NKPD1: variants seen among roughly 807,000 people sequenced by gnomAD.
NKPD1 encodes NTPase KAP family P-loop domain-containing protein 1.
Under a neutral mutation model 42.2 loss-of-function variants are expected in NKPD1, and 37 were observed. That is an observed-to-expected ratio of 0.88 (90% CI 0.67 to 1.15). The LOEUF (loss-of-function observed/expected upper bound fraction) is 1.15. NKPD1 is among the 50% of genes most tolerant of loss of function. The pLI, the probability that NKPD1 is intolerant of heterozygous loss-of-function variation, is 0.00. For missense variants in NKPD1, 1,113 were observed against 1,174.6 expected (o/e 0.95, Z 0.77); for synonymous variants, 552 against 536.5 (o/e 1.03, Z -0.40).
rs1055711859 is a variant in NKPD1 at position 45,158,905 on chromosome 19, A to G, written c.287T>C (p.Leu96Pro). ...PQSQPSPPSP[L>P]RQRLCPIHEA... ...GTGAATGGGGCAGAGCCGCTGCCGCAGGGGGCTGGGAGGTGAGGGCTGGGA... is the reference window on the plus strand; with the variant it reads ...GTGAATGGGGCAGAGCCGCTGCCGCGGGGGGCTGGGAGGTGAGGGCTGGGA... The change falls in exon 3 of 5, where the codon CTG becomes CCG. Residue 96 changes from leucine to proline, a missense_variant. Physicochemically the swap from Leu to Pro is moderately conservative, Grantham distance 98. This residue lies in a region of NKPD1 where 204 missense variants were observed against 227.8 expected (regional missense o/e 0.90). Transcript: ENST00000686631. The surrounding 1 kb of genome is among the most constrained non-coding windows in gnomAD (Gnocchi z 4.6). 6.2e-6 allele frequency: 8 copies of G among 1,293,228 alleles called. 1 individual carries two copies. In the Admixed American group the frequency reaches 1.7e-4, roughly 27 times the overall value. The allele number at this position is 1,293,228 out of a possible 1,614,324, so 80.1% of individuals were successfully genotyped here. A position where few individuals can be genotyped will look rare whatever the true frequency, so the allele number is the denominator to read the frequency against.
intron 4 of NKPD1, among the ~76,000 whole-genome samples, chr19:45,155,178 C>T (rs539408110): frequency 2.6e-5 from 4 of 151,762 alleles, no homozygotes; most frequent in African/African-American, 4.8e-5. Context: ...ATTAGCTGGG[C>T]GTGGTGGTGA....
In NKPD1 at chr19:45,153,044, A is replaced by G. The variant is rs373671656; in HGVS notation, c.1393T>C (p.Tyr465His). 59 of 1,585,770 alleles carry G rather than the reference A, an allele frequency of 3.7e-5. No homozygotes were observed. Among genetic ancestry groups the G allele is most frequent in the Non-Finnish European group, 4.6e-5 (54 of 1,166,466 alleles). ...VLEVTGLDTC[Y>H]PERVVGVLNA... ...AGCACGCCCACCACGCGCTCCGGGT[A>G]GCACGTGTCCAGCCCGGTGACCTCC... The change falls in exon 5 of 5, where the codon TAC becomes CAC. Residue 465 changes from tyrosine to histidine, a missense_variant. Physicochemically the swap from Tyr to His is moderately conservative, Grantham distance 83 (BLOSUM62 2). Around this residue, in one of 3 missense-constraint regions of NKPD1, gnomAD observed 867 missense variants for 870.1 expected, o/e 1.00. Transcript: ENST00000686631.
rs766671329 is a variant in NKPD1 at position 45,153,389 on chromosome 19, CCGCCAGCAG to C, written c.1039_1047del (p.Leu347_Ala349del). 16 of 1,559,498 alleles carry C rather than the reference CCGCCAGCAG, an allele frequency of 1.0e-5. No homozygotes were observed. Among genetic ancestry groups the C allele is most frequent in the Non-Finnish European group, 1.4e-5 (16 of 1,156,116 alleles). ...AGCAGCCCCACACCCAGGCCCAGCGCCGCCAGCAGCGCCAGCAGCCCCAGGCACACGCGG... is the reference window on the plus strand; with the variant it reads ...AGCAGCCCCACACCCAGGCCCAGCGCCGCCAGCAGCCCCAGGCACACGCGG... On this transcript the variant is annotated inframe_deletion, in exon 5 of 5. Coordinates refer to ENST00000686631, the MANE Select transcript of NKPD1 (RefSeq NM_198478.4).
Position 45,153,407 on chromosome 19 carries a change from G to A in NKPD1, c.1030C>T (p.Leu344=), listed in dbSNP as rs1968836321. 1.3e-6 allele frequency: 2 copies of A among 1,554,276 alleles called. No homozygotes were observed. The highest frequency in any genetic ancestry group is 1.7e-6 in the Non-Finnish European group (2 of 1,153,664). ...CCCAGCGCCGCCAGCAGCGCCAGCA[G>A]CCCCAGGCACACGCGGCGCCGACAA... is the stretch of plus-strand genomic sequence containing the variant. ...WHCRRRVCLG[L]LALLAALGLG... The change falls in exon 5 of 5, where the codon CTG becomes TTG. Residue 344 remains leucine, a synonymous_variant. Transcript: ENST00000686631.
In NKPD1 at chr19:45,157,126, C is replaced by T. The variant is rs183230701; in HGVS notation, c.530-1210G>A. Among the ~76,000 whole-genome samples the T allele has an allele frequency of 2.2e-4, 33 of 152,350 alleles. No homozygotes were observed. The East Asian group carries it at 5.2e-3, about 24-fold the overall frequency. ...ACCCCGGCAAGGCTGCCGCACCTCTCGCCTGGATTTTTGCAATCTCCTGCT... is the reference window on the plus strand; with the variant it reads ...ACCCCGGCAAGGCTGCCGCACCTCTTGCCTGGATTTTTGCAATCTCCTGCT... On this transcript the variant is annotated intron_variant, in intron 3 of 4. Coordinates refer to ENST00000686631, the MANE Select transcript of NKPD1 (RefSeq NM_198478.4).
intron 3 of NKPD1, among the ~76,000 whole-genome samples, chr19:45,156,902 G>C (rs570653954): frequency 4.6e-5 from 7 of 152,316 alleles, no homozygotes; most frequent in African/African-American, 1.7e-4. Context: ...TTCTACTGAG[G>C]TGTGGGTAGG....
chr19:45,157,719 C>CTT (rs34991759), intron 3 of NKPD1, among the ~76,000 whole-genome samples: 2,121 of 83,254 alleles, frequency 0.025, 216 homozygotes, highest in African/African-American at 0.084. Context: ...CCCAGACATA[C>CTT]TTTTTTTTTT....
rs530949093 is a variant in NKPD1, at chr19:45,155,664, G to C, written c.661+121C>G. The C allele has an allele frequency of 1.0e-5, 10 of 989,736 alleles. No individual in the cohort carries two copies. The African/African-American group carries it at 1.7e-4, about 17-fold the overall frequency. The allele number at this position is 989,736 out of a possible 1,614,324, so 61.3% of individuals were successfully genotyped here. ...CGGGGTAGAGGCATGGGCTTGGGGA[G>C]GGCCTGGGCTGGGGCAGGCTGGCCA... On this transcript the variant is annotated intron_variant, in intron 4 of 4. Transcript: ENST00000686631.
chr19:45,159,505 C>T (rs1428170760), intron 2 of NKPD1, among the ~76,000 whole-genome samples: 3 of 151,724 alleles, frequency 2.0e-5, no homozygotes, highest in Admixed American at 6.6e-5. Context: ...TGGGTGGTGG[C>T]GTGGAGAGGG....
chr19:45,152,463 C>T lies in NKPD1; in HGVS notation c.1974G>A (p.Val658=), dbSNP rs372202190. The T allele has an allele frequency of 1.3e-6, 2 of 1,554,714 alleles. No homozygotes were observed. Among genetic ancestry groups the T allele is most frequent in the Non-Finnish European group, 1.7e-6 (2 of 1,156,290 alleles). ...GGCGGCACGGCCACTGGTTGGCGAG[C>T]ACCACCCACGCCACCGCCTGGCGCG... is the stretch of plus-strand genomic sequence containing the variant. ...PTPRQAVAWV[V]LANQWPCRLS... The change falls in exon 5 of 5, where the codon GTG becomes GTA. Residue 658 remains valine, a synonymous_variant. Coordinates refer to ENST00000686631, the MANE Select transcript of NKPD1 (RefSeq NM_198478.4).
At position 45,151,924 on chromosome 19, in the gene NKPD1, G is replaced by A. The variant is rs369832157; in HGVS notation, c.*14C>T. The A allele has an allele frequency of 1.6e-5, 24 of 1,529,896 alleles. No individual in the cohort carries two copies. Among genetic ancestry groups the A allele is most frequent in the African/African-American group, 4.2e-5 (3 of 71,348 alleles). 94.8% of individuals were successfully genotyped at this position (1,529,896 alleles called of 1,614,324 possible). On this transcript the variant is annotated 3_prime_UTR_variant, in exon 5 of 5. Coordinates refer to ENST00000686631, the MANE Select transcript of NKPD1 (RefSeq NM_198478.4). The stretch of plus-strand genomic sequence containing the variant: ...GAGGAACCCTTGCCTCCTGCTGCCC[G>A]CCAAGTCCTCCATTTAAGGCCCACC...
intron 3 of NKPD1, among the ~76,000 whole-genome samples, chr19:45,157,718 AC>A (rs1568458573): frequency 2.8e-5 from 2 of 72,054 alleles, no homozygotes; most frequent in Non-Finnish European, 5.4e-5. Flanking sequence ...GCCCAGACAT[AC>A]TTTTTTTTTT....
chr19:45,151,174 CAG>C lies in NKPD1; in HGVS notation c.*762_*763del, dbSNP rs1457147312. ...CTCTGCCCAACTTCCCTGTCCTCATCAGGGGGCTGATGCAGTGGCTTCAGTGT... is the reference window on the plus strand; with the variant it reads ...CTCTGCCCAACTTCCCTGTCCTCATCGGGGCTGATGCAGTGGCTTCAGTGT... On this transcript the variant is annotated 3_prime_UTR_variant, in exon 5 of 5. Transcript: ENST00000686631. The C allele has an allele frequency of 2.0e-5, 3 of 152,692 alleles. No individual in the cohort carries two copies. In the East Asian group the frequency reaches 5.8e-4, roughly 29 times the overall value. The allele number at this position is 152,692 out of a possible 1,614,324, so 9.5% of individuals were successfully genotyped here. A position where few individuals can be genotyped will look rare whatever the true frequency, so the allele number is the denominator to read the frequency against.
chr19:45,155,661 G>T, intron 4 of NKPD1, 124 bp downstream of exon 4: 1 of 970,212 alleles, frequency 1.0e-6, no homozygotes, highest in Non-Finnish European at 1.4e-6. Flanking sequence ...ATGGGCTTGG[G>T]GAGGGCCTGG....
chr19:45,159,102 T>C lies in NKPD1; in HGVS notation c.92-2A>G. ...CCTGGCGCCACTGATGACAGCATCC[T>C]GGAAGGAAGGAAGTGGGGGTGACTG... is the stretch of plus-strand genomic sequence containing the variant. On this transcript the variant is annotated splice_acceptor_variant, in intron 2 of 4. Transcript: ENST00000686631. LOFTEE classifies it high-confidence loss of function. The C allele has an allele frequency of 7.8e-7, 1 of 1,277,174 alleles. No individual in the cohort carries two copies. The highest frequency in any genetic ancestry group is 1.0e-6 in the Non-Finnish European group (1 of 982,008). The allele number at this position is 1,277,174 out of a possible 1,614,324, so 79.1% of individuals were successfully genotyped here.
In NKPD1 at chr19:45,153,440, C is replaced by T; in HGVS notation, c.997G>A (p.Glu333Lys). Residue 333 changes from glutamate (E) to lysine (K), a missense_variant, in exon 5 of 5, where the codon GAG (glutamate) becomes AAG (lysine). Physicochemically the swap from Glu to Lys is moderately conservative, Grantham distance 56 (BLOSUM62 1). Coordinates refer to ENST00000686631, the MANE Select transcript of NKPD1 (RefSeq NM_198478.4). The stretch of plus-strand genomic sequence containing the variant: ...CACACGCGGCGCCGACAATGCCACT[C>T]GCTCTGGCAGCAGTCCTGCCTGGTG... ...PATRQDCCQS[E>K]WHCRRRVCLG... is the part of the protein sequence containing the mutation. 2 of 1,548,222 alleles carry T rather than the reference C, an allele frequency of 1.3e-6. No homozygotes were observed. Among genetic ancestry groups the T allele is most frequent in the Non-Finnish European group, 1.7e-6 (2 of 1,150,344 alleles).
At chr19:45,154,405 T>C (rs1968862828) in intron 4 of NKPD1, among the ~76,000 whole-genome samples, 1 of 152,124 alleles carries the variant, frequency 6.6e-6, no homozygotes, top group Admixed American at 6.5e-5. Flanking sequence ...GGTCACCGTG[T>C]CCCCTGGGCA....
At chr19:45,161,431 TG>T (rs1257990734), upstream of NKPD1, among the ~76,000 whole-genome samples, 1 of 152,200 alleles carries the variant, frequency 6.6e-6, no homozygotes, top group Non-Finnish European at 1.5e-5. Context: ...CCCATTTACC[TG>T]GCGCTGTTCT....
chr19:45,159,061 C>T lies in NKPD1; in HGVS notation c.131G>A (p.Arg44Gln), dbSNP rs961793370. The change falls in exon 3 of 5, where the codon CGA becomes CAA. Residue 44 changes from arginine (R) to glutamine (Q), a missense_variant. This residue lies in a region of NKPD1 where 204 missense variants were observed against 227.8 expected (regional missense o/e 0.90). Transcript: ENST00000686631. ...GGAAGGCCGACAGGGCCCATGGGCT[C>T]GGAGGGCCGCTGAGTCCTGGCGCCA... ...HQWRQDSAALRAHGPCRPSPQ... is the reference protein window; with the variant it reads ...HQWRQDSAALQAHGPCRPSPQ... 58 of 1,298,190 alleles carry T rather than the reference C, an allele frequency of 4.5e-5. No homozygotes were observed. Among genetic ancestry groups the T allele is most frequent in the African/African-American group, 7.6e-5 (5 of 65,468 alleles). The allele number at this position is 1,298,190 out of a possible 1,614,324, so 80.4% of individuals were successfully genotyped here.
Sources: allele counts gnomAD v4.1 joint callset (sites outside exome capture counted in the v4.1 genomes callset), GRCh38; gene constraint gnomAD v4.1.1; regional missense constraint gnomAD v4.1.1; non-coding constraint Gnocchi (gnomAD v3.1); transcripts MANE v1.5; gene names NCBI Gene and HGNC (gene_info 2026-07-23, HGNC 2026-07-21).